Variants in YTHDF2 observed in about 807,000 individuals in gnomAD.
YTHDF2 encodes the protein YTH domain-containing family protein 2.
A neutral mutation model predicts 50.4 loss-of-function variants in YTHDF2; 2 were observed. That is an observed-to-expected ratio of 0.04 (90% CI 0.02 to 0.12). YTHDF2 has a LOEUF of 0.12. Ranked by LOEUF, YTHDF2 falls within the 10% of genes least tolerant of loss-of-function variation. The pLI, the probability that YTHDF2 is intolerant of heterozygous loss-of-function variation, is 1.00. For synonymous variants in YTHDF2, 217 were observed against 255.6 expected (o/e 0.85, Z 1.44); for missense variants, 483 against 722.6 (o/e 0.67, Z 3.80).
chr1:28,765,588 A>C (rs1325032724), intron 4 of YTHDF2, among the ~76,000 whole-genome samples: 1 of 150,984 alleles, frequency 6.6e-6, no homozygotes, highest in Non-Finnish European at 1.5e-5. Context: ...ACAGGCACGC[A>C]CCACCACACC....
rs190728242 is a variant in YTHDF2 at position 28,763,082 on chromosome 1, C to T, written c.1717-5847C>T. 3.8e-3 allele frequency among the ~76,000 whole-genome samples: 571 copies of T among 152,264 alleles called. 3 individuals are homozygous for T. The highest frequency in any genetic ancestry group is 0.013 in the African/African-American group (528 of 41,570). ...CCTCAAGTGATCCACCTGCCTCGGC[C>T]TCCCAAAGTGCTGGCATTACAGGCA... On this transcript the variant is annotated intron_variant, in intron 4 of 4. Transcript: ENST00000373812.
At chr1:28,767,113 G>A (rs906211753) in intron 4 of YTHDF2, among the ~76,000 whole-genome samples, 9 of 151,690 alleles carry the variant, frequency 5.9e-5, no homozygotes, top group Non-Finnish European at 1.3e-4. Context: ...AAAGTGTTGG[G>A]ATTACAGGTG....
At chr1:28,764,563 G>A (rs2088188941) in intron 4 of YTHDF2, among the ~76,000 whole-genome samples, 1 of 151,716 alleles carries the variant, frequency 6.6e-6, no homozygotes, top group Non-Finnish European at 1.5e-5. Flanking sequence ...GTGAGCCATC[G>A]TGCCCGGCCC....
At chr1:28,746,743 G>C (rs1403304178) in intron 4 of YTHDF2, among the ~76,000 whole-genome samples, 7 of 149,002 alleles carry the variant, frequency 4.7e-5, no homozygotes, top group Admixed American at 4.7e-4. Context: ...CTGGGCGATA[G>C]AGAGAGACTC....
intron 4 of YTHDF2, among the ~76,000 whole-genome samples, chr1:28,755,051 G>T (rs944668107): frequency 6.6e-6 from 1 of 151,816 alleles, no homozygotes; most frequent in South Asian, 2.1e-4. Flanking sequence ...AAAAGATGAT[G>T]AGGGCCTGAA....
At chr1:28,758,192 A>T (rs1349062212) in intron 4 of YTHDF2, among the ~76,000 whole-genome samples, 1 of 152,066 alleles carries the variant, frequency 6.6e-6, no homozygotes. Context: ...GGAGACCAGC[A>T]TGGGCAAGCA....
At chr1:28,764,424 C>G (rs555110434) in intron 4 of YTHDF2, among the ~76,000 whole-genome samples, 21 of 151,932 alleles carry the variant, frequency 1.4e-4, no homozygotes, top group African/African-American at 5.1e-4. Context: ...GCGCCCACCA[C>G]CACGCCCGGC....
intron 4 of YTHDF2, among the ~76,000 whole-genome samples, chr1:28,747,842 C>A (rs2087888404): frequency 6.6e-6 from 1 of 150,778 alleles, no homozygotes; most frequent in South Asian, 2.1e-4. Flanking sequence ...ACTGCTGGCA[C>A]TGGCCGGGCG....
Position 28,749,024 on chromosome 1 carries a change from T to G in YTHDF2, c.1716+5038T>G, listed in dbSNP as rs1372832092. Among the ~76,000 whole-genome samples the G allele has an allele frequency of 2.0e-5, 3 of 152,252 alleles. No homozygotes were observed. The East Asian group carries it at 5.8e-4, about 29-fold the overall frequency. ...TAGTATTTAACCACAAACTCAGAAA[T>G]TCTTACTAAAGGGGTATGTGCTTTG... On this transcript the variant is annotated intron_variant, in intron 4 of 4. Transcript: ENST00000373812.
At chr1:28,741,918 A>T (rs2087782794) in intron 3 of YTHDF2, among the ~76,000 whole-genome samples, 1 of 152,224 alleles carries the variant, frequency 6.6e-6, no homozygotes, top group Non-Finnish European at 1.5e-5. Context: ...TGTAGTGCTA[A>T]AGCTAAGGCC....
At chr1:28,762,115 G>A (rs901507290) in intron 4 of YTHDF2, among the ~76,000 whole-genome samples, 44 of 152,068 alleles carry the variant, frequency 2.9e-4, no homozygotes, top group Admixed American at 5.9e-4. Context: ...TTTCCTAGCC[G>A]GGCGTGGTGG....
chr1:28,745,433 CT>C (rs1483094117), intron 4 of YTHDF2, among the ~76,000 whole-genome samples: 1 of 152,208 alleles, frequency 6.6e-6, no homozygotes, highest in Non-Finnish European at 1.5e-5. Context: ...AATAGTTTAA[CT>C]TAAAGTCTTC....
At chr1:28,747,863 C>A (rs1245920104) in intron 4 of YTHDF2, among the ~76,000 whole-genome samples, 1 of 151,220 alleles carries the variant, frequency 6.6e-6, no homozygotes, top group Non-Finnish European at 1.5e-5. Context: ...CGGTGGCTCA[C>A]GCCTGTAAGC....
chr1:28,740,885 G>C (rs1453611244), intron 3 of YTHDF2, among the ~76,000 whole-genome samples: 1 of 151,328 alleles, frequency 6.6e-6, no homozygotes, highest in African/African-American at 2.4e-5. Flanking sequence ...TTGTATTTTT[G>C]CTAGAGACGG....
chr1:28,766,199 G>A (rs1250195179), intron 4 of YTHDF2, among the ~76,000 whole-genome samples: 3 of 152,060 alleles, frequency 2.0e-5, no homozygotes, highest in Admixed American at 6.6e-5. Flanking sequence ...TCATCTCCCC[G>A]GGCTTAAGTG....
At chr1:28,753,918 G>A (rs2087998050) in intron 4 of YTHDF2, among the ~76,000 whole-genome samples, 1 of 151,970 alleles carries the variant, frequency 6.6e-6, no homozygotes, top group Non-Finnish European at 1.5e-5. Context: ...TGTTGGCTAG[G>A]CTGGTCTCAA....
chr1:28,766,871 C>T (rs2088227415), intron 4 of YTHDF2, among the ~76,000 whole-genome samples: 1 of 150,440 alleles, frequency 6.6e-6, no homozygotes, highest in Non-Finnish European at 1.5e-5. Flanking sequence ...CTCATTTTGT[C>T]ACCCAGGCTG....
At position 28,764,106 on chromosome 1, in the gene YTHDF2, C is replaced by T. The variant is rs192347342; in HGVS notation, c.1717-4823C>T. On this transcript the variant is annotated intron_variant, in intron 4 of 4. Transcript: ENST00000373812. Reference sequence around the variant, plus strand: ...CTGGGATTACAGGCATGTGCCACCACGCCCAGCTAATTTTGTATTTTTAGT... The same window carrying T: ...CTGGGATTACAGGCATGTGCCACCATGCCCAGCTAATTTTGTATTTTTAGT... Among the ~76,000 whole-genome samples the T allele has an allele frequency of 8.0e-3, 1,208 of 151,240 alleles. 21 individuals carry two copies. Among genetic ancestry groups the T allele is most frequent in the African/African-American group, 0.027 (1,110 of 41,280 alleles).
chr1:28,738,395 C>T (rs561436393), intron 3 of YTHDF2, 57 bp downstream of exon 3: 41 of 1,352,980 alleles, frequency 3.0e-5, no homozygotes, highest in East Asian at 1.8e-4. Context: ...TCTTTCTCCG[C>T]CTTCTACCAA....
Sources: allele counts gnomAD v4.1 joint callset (sites outside exome capture counted in the v4.1 genomes callset), GRCh38; gene constraint gnomAD v4.1.1; transcripts MANE v1.5; gene names NCBI Gene and HGNC (gene_info 2026-07-23, HGNC 2026-07-21).